Variants in STK11 observed in about 807,000 individuals in gnomAD.
The protein encoded by STK11 is serine/threonine kinase 11.
A neutral mutation model predicts 47.3 loss-of-function variants in STK11; 8 were observed. The ratio of observed to expected loss-of-function variants is 0.17; its 90% confidence interval spans 0.10 to 0.31. STK11 has a LOEUF of 0.31. Ranked by LOEUF, STK11 falls within the 10% of genes least tolerant of loss-of-function variation. The pLI, the probability that STK11 is intolerant of heterozygous loss-of-function variation, is 1.00. For missense variants in STK11, 475 were observed against 605.0 expected, an observed-to-expected ratio of 0.79 and a Z score of 2.25; for synonymous variants, 330 against 255.8, an observed-to-expected ratio of 1.29 and a Z score of -2.77.
chr19:1,225,270 T>C, intron 8 of STK11: 2 of 985,152 alleles, frequency 2.0e-6, no homozygotes, highest in Non-Finnish European at 2.4e-6. Context: ...CCAAGGTCTT[T>C]TTTATCTTTT....
intron 1 of STK11, among the ~76,000 whole-genome samples, chr19:1,217,675 G>A (rs2080753646): frequency 6.6e-6 from 1 of 152,152 alleles, no homozygotes; most frequent in Non-Finnish European, 1.5e-5. Context: ...CTTCCTATGG[G>A]CCATCCTTCC....
chr19:1,221,579 C>T (rs539634600), intron 6 of STK11: 14 of 641,830 alleles, frequency 2.2e-5, no homozygotes, highest in Middle Eastern at 4.3e-4. Flanking sequence ...TGCTGCCCTG[C>T]GCCTCCCCCA....
In STK11 at chr19:1,225,325, T is replaced by A. The variant is rs539747532; in HGVS notation, c.1109-1129T>A. On this transcript the variant is annotated intron_variant, in intron 8 of 9. Coordinates refer to ENST00000326873, the MANE Select transcript of STK11 (RefSeq NM_000455.5). ...TCTTGCTCTGTCGCCCAGGCTGGAG[T>A]GCTGTGGTGCGATCTCGGCTCACTG... 4.1e-6 allele frequency: 4 copies of A among 972,580 alleles called. No homozygotes were observed. The Admixed American group carries it at 2.5e-4, about 60-fold the overall frequency. The allele number at this position is 972,580 out of a possible 1,614,324, so 60.2% of individuals were successfully genotyped here. A position where few individuals can be genotyped will look rare whatever the true frequency, so the allele number is the denominator to read the frequency against.
intron 3 of STK11, among the ~76,000 whole-genome samples, chr19:1,219,774 T>A (rs1568706792): frequency 6.6e-6 from 1 of 152,116 alleles, no homozygotes; most frequent in Non-Finnish European, 1.5e-5. Context: ...CTCAAACTCC[T>A]GACCTCGTGA....
At chr19:1,224,147 G>T in intron 8 of STK11, 1 of 988,058 alleles carries the variant, frequency 1.0e-6, no homozygotes, top group Non-Finnish European at 1.2e-6. Flanking sequence ...GTCCCCAGGA[G>T]AGTACAGTGT....
At position 1,210,872 on chromosome 19, in the gene STK11, A is replaced by AG. The variant is rs1418844504; in HGVS notation, c.290+3669_290+3670insG. Among the ~76,000 whole-genome samples the AG allele has an allele frequency of 2.1e-5, 3 of 144,278 alleles. No individual in the cohort carries two copies. The East Asian group carries it at 6.4e-4, about 31-fold the overall frequency. The allele number at this position is 144,278 out of a possible 152,430, so 94.7% of individuals were successfully genotyped here. ...AGTGAAACTCCGTCTCGAAAAAAAA[A>AG]AGGGCTGGGGCCGGGCGTGGTGGCT... On this transcript the variant is annotated intron_variant, in intron 1 of 9. Coordinates refer to ENST00000326873, the MANE Select transcript of STK11 (RefSeq NM_000455.5).
intron 9 of STK11, chr19:1,226,922 A>T: frequency 2.1e-6 from 1 of 480,536 alleles, no homozygotes; most frequent in Non-Finnish European, 3.6e-6. Context: ...CCTCACAGCC[A>T]CCTCTCAGAG....
chr19:1,212,847 C>A (rs2145414015), intron 1 of STK11, among the ~76,000 whole-genome samples: 1 of 151,718 alleles, frequency 6.6e-6, no homozygotes, highest in East Asian at 2.0e-4. Context: ...CCCGGCCCAC[C>A]TTTTTATTTT....
intron 8 of STK11, chr19:1,226,074 T>C: frequency 9.4e-7 from 1 of 1,061,692 alleles, no homozygotes; most frequent in South Asian, 3.2e-5. Flanking sequence ...TGGCGGCTCC[T>C]GGGCCTCTAG....
chr19:1,207,323 C>G, intron 1 of STK11, 120 bp downstream of exon 1: 1 of 1,333,390 alleles, frequency 7.5e-7, no homozygotes, highest in South Asian at 1.5e-5. Context: ...TGAGCTGGAC[C>G]CGTCTGGCGC....
chr19:1,227,263 G>C (rs1395678028), intron 9 of STK11: 1 of 171,362 alleles, frequency 5.8e-6, no homozygotes, highest in African/African-American at 2.4e-5. Flanking sequence ...GAGGATGCGG[G>C]GTGGATGGGG....
chr19:1,224,736 C>G, intron 8 of STK11: 1 of 985,736 alleles, frequency 1.0e-6, no homozygotes, highest in Non-Finnish European at 1.2e-6. Context: ...TTTTTCATGA[C>G]CCTGCTAAGC....
intron 1 of STK11, among the ~76,000 whole-genome samples, chr19:1,210,674 C>T (rs2080703624): frequency 6.6e-6 from 1 of 151,950 alleles, no homozygotes; most frequent in South Asian, 2.1e-4. Flanking sequence ...GTTAGCCTGA[C>T]CAACATGGTG....
Position 1,220,419 on chromosome 19 carries a change from G to C in STK11, c.511G>C (p.Gly171Arg), listed in dbSNP as rs1599926499. Residue 171 changes from glycine to arginine, a missense_variant, in exon 4 of 10, where the codon GGC becomes CGC. Gly to Arg is a moderately radical substitution (Grantham distance 125). This residue lies in a region of STK11 where 130 missense variants were observed against 239.7 expected (regional missense o/e 0.54). Coordinates refer to ENST00000326873, the MANE Select transcript of STK11 (RefSeq NM_000455.5). ...CGGCCTGGAGTACCTGCATAGCCAGGGCATTGTGCACAAGGACATCAAGCC... is the reference window on the plus strand; with the variant it reads ...CGGCCTGGAGTACCTGCATAGCCAGCGCATTGTGCACAAGGACATCAAGCC... ...IDGLEYLHSQ[G>R]IVHKDIKPGN... 1 of 1,605,906 alleles carries C rather than the reference G, an allele frequency of 6.2e-7. No individual in the cohort carries two copies.
At chr19:1,219,481 G>T (rs948063169) in intron 3 of STK11, 68 bp downstream of exon 3, 11 of 1,486,558 alleles carry the variant, frequency 7.4e-6, no homozygotes, top group Admixed American at 2.0e-5. Context: ...GCTCCTTTCC[G>T]TGAGGCCACA....
At chr19:1,215,352 G>A (rs1479333453) in intron 1 of STK11, among the ~76,000 whole-genome samples, 4 of 152,252 alleles carry the variant, frequency 2.6e-5, no homozygotes, top group South Asian at 2.1e-4. Flanking sequence ...CCAGGCCTGC[G>A]GTGACCAGTG....
At chr19:1,222,873 G>GTCC in intron 7 of STK11, 112 bp from the exon 8 acceptor site, 1 of 1,285,448 alleles carries the variant, frequency 7.8e-7, no homozygotes, top group South Asian at 1.5e-5. Flanking sequence ...GCACGGCCTG[G>GTCC]TCCCAGCTCC....
At chr19:1,226,984 C>T (rs2080828555) in intron 9 of STK11, 26 of 347,276 alleles carry the variant, frequency 7.5e-5, no homozygotes, top group South Asian at 4.7e-4. Context: ...TCCCCATGCC[C>T]GCGCCGCTTC....
chr19:1,227,882 C>G lies in STK11; in HGVS notation c.*306C>G, dbSNP rs1385467616. 9.4e-7 allele frequency: 1 copy of G among 1,069,306 alleles called. No individual in the cohort carries two copies. Among genetic ancestry groups the G allele is most frequent in the African/African-American group, 1.6e-5 (1 of 61,134 alleles). 66.2% of individuals were successfully genotyped at this position (1,069,306 alleles called of 1,614,324 possible). A position where few individuals can be genotyped will look rare whatever the true frequency, so the allele number is the denominator to read the frequency against. On this transcript the variant is annotated 3_prime_UTR_variant, in exon 10 of 10. Coordinates refer to ENST00000326873, the MANE Select transcript of STK11 (RefSeq NM_000455.5). ...CTCCATGCACTTTATGTGGAGACTA[C>G]TGGCCCCGCCCGTGGCCTCGTGCTC... is the stretch of plus-strand genomic sequence containing the variant.
Sources: allele counts gnomAD v4.1 joint callset (sites outside exome capture counted in the v4.1 genomes callset), GRCh38; gene constraint gnomAD v4.1.1; regional missense constraint gnomAD v4.1.1; transcripts MANE v1.5; gene names NCBI Gene and HGNC (gene_info 2026-07-23, HGNC 2026-07-21).